PPP2R2B: variants seen among roughly 807,000 people sequenced by gnomAD.
PPP2R2B encodes serine/threonine-protein phosphatase 2A 55 kDa regulatory subunit B beta isoform.
A neutral mutation model predicts 46.0 loss-of-function variants in PPP2R2B; 5 were observed. That is an observed-to-expected ratio of 0.11 (90% CI 0.06 to 0.23). The LOEUF is 0.23. PPP2R2B is among the 10% of genes least tolerant of loss of function. The pLI is 1.00. For missense variants in PPP2R2B, 367 were observed against 575.0 expected (o/e 0.64, Z 3.70); for synonymous variants, 215 against 206.7 (o/e 1.04, Z -0.34).
At chr5:147,005,406 T>G (rs1193010726) in intron 1 of PPP2R2B, among the ~76,000 whole-genome samples, 1 of 152,194 alleles carries the variant, frequency 6.6e-6, no homozygotes, top group African/African-American at 2.4e-5. Context: ...GGAAAAAGAA[T>G]AAATGTGTAT....
intron 7 of PPP2R2B, among the ~76,000 whole-genome samples, chr5:146,606,708 T>G (rs1772309651): frequency 6.6e-6 from 1 of 152,158 alleles, no homozygotes; most frequent in Non-Finnish European, 1.5e-5. Context: ...GGTACTGATT[T>G]CTGGGTTTTC....
At position 146,587,549 on chromosome 5, in the gene PPP2R2B, C is replaced by T. The variant is rs1770226380; in HGVS notation, c.*2398G>A. 1 of 152,144 alleles carries T rather than the reference C, an allele frequency of 6.6e-6. No homozygotes were observed. The highest frequency in any genetic ancestry group is 1.5e-5 in the Non-Finnish European group (1 of 68,036). The allele number at this position is 152,144 out of a possible 1,614,324, so 9.4% of individuals were successfully genotyped here. A position where few individuals can be genotyped will look rare whatever the true frequency, so the allele number is the denominator to read the frequency against. On this transcript the variant is annotated 3_prime_UTR_variant, in exon 10 of 10. Transcript: ENST00000394411. ...TCCTTAAACCATGACAAAAATTATT[C>T]CTGTGTGTGTTATGGGCAGCCCTGC... is the stretch of plus-strand genomic sequence containing the variant.
chr5:146,717,905 A>G (rs1338835249), intron 2 of PPP2R2B, among the ~76,000 whole-genome samples: 1 of 152,162 alleles, frequency 6.6e-6, no homozygotes, highest in Non-Finnish European at 1.5e-5. Context: ...CAGCTTGAAC[A>G]ACAGCACTTC....
At chr5:147,050,717 C>T (rs764854017) in intron 1 of PPP2R2B, among the ~76,000 whole-genome samples, 14 of 152,062 alleles carry the variant, frequency 9.2e-5, no homozygotes, top group Non-Finnish European at 1.8e-4. Flanking sequence ...GATATACACA[C>T]GGTGAAATTG....
Position 146,589,832 on chromosome 5 carries a change from A to T in PPP2R2B, c.*115T>A. ...GACTCCTTTTAATTCTATTCCAATC[A>T]TTTCCTGTATAGGGAAATTAAAGTC... On this transcript the variant is annotated 3_prime_UTR_variant, in exon 10 of 10. Transcript: ENST00000394411. 9.0e-7 allele frequency: 1 copy of T among 1,108,560 alleles called. No individual in the cohort carries two copies. The highest frequency in any genetic ancestry group is 1.3e-6 in the Non-Finnish European group (1 of 770,958). 68.7% of individuals were successfully genotyped at this position (1,108,560 alleles called of 1,614,324 possible). A position where few individuals can be genotyped will look rare whatever the true frequency, so the allele number is the denominator to read the frequency against.
intron 2 of PPP2R2B, among the ~76,000 whole-genome samples, chr5:146,743,615 A>G (rs1002407977): frequency 6.6e-6 from 1 of 152,174 alleles, no homozygotes; most frequent in African/African-American, 2.4e-5. Context: ...CTAAGGCTCT[A>G]TATGCTTTAA....
At chr5:146,759,825 T>C (rs921427322) in intron 2 of PPP2R2B, among the ~76,000 whole-genome samples, 3 of 152,054 alleles carry the variant, frequency 2.0e-5, no homozygotes, top group African/African-American at 4.8e-5. Context: ...TTATTTTGAA[T>C]CTATATTAAT....
At chr5:146,926,487 G>A (rs319140) in intron 1 of PPP2R2B, among the ~76,000 whole-genome samples, 72,366 of 151,810 alleles carry the variant, frequency 0.48, 19,180 homozygotes, top group East Asian at 0.73. Flanking sequence ...CGCCTCTCGG[G>A]TTTATGCCAT....
At chr5:147,026,887 T>A (rs1755550283) in intron 1 of PPP2R2B, among the ~76,000 whole-genome samples, 1 of 152,186 alleles carries the variant, frequency 6.6e-6, no homozygotes, top group African/African-American at 2.4e-5. Flanking sequence ...AAATTTCTTA[T>A]AATACTAAAT....
intron 1 of PPP2R2B, among the ~76,000 whole-genome samples, chr5:146,986,176 C>A (rs1045790739): frequency 6.6e-6 from 1 of 152,154 alleles, no homozygotes; most frequent in Non-Finnish European, 1.5e-5. Context: ...CAAACTTGGG[C>A]AGTACAGCAC....
At chr5:146,757,919 T>C (rs938461334) in intron 2 of PPP2R2B, among the ~76,000 whole-genome samples, 1 of 152,292 alleles carries the variant, frequency 6.6e-6, no homozygotes, top group East Asian at 1.9e-4. Context: ...AACTCTTCCA[T>C]GCACCTTGAA....
chr5:146,896,237 G>A (rs1299463495), intron 1 of PPP2R2B, among the ~76,000 whole-genome samples: 8 of 152,130 alleles, frequency 5.3e-5, no homozygotes, highest in Non-Finnish European at 1.0e-4. Context: ...TTTGATAGGT[G>A]CTTACCAAGT....
chr5:146,815,307 C>T (rs577911656), intron 2 of PPP2R2B, among the ~76,000 whole-genome samples: 4 of 152,184 alleles, frequency 2.6e-5, no homozygotes, highest in South Asian at 2.1e-4. Flanking sequence ...TTACAAAACC[C>T]GGATTTCCTC....
chr5:146,768,031 T>C (rs1489621396), intron 2 of PPP2R2B, among the ~76,000 whole-genome samples: 4 of 152,226 alleles, frequency 2.6e-5, no homozygotes, highest in Admixed American at 1.3e-4. Flanking sequence ...ACAATAAGCA[T>C]TGTCATTTGA....
chr5:146,739,363 C>T (rs149212712), intron 2 of PPP2R2B, among the ~76,000 whole-genome samples: 1 of 152,180 alleles, frequency 6.6e-6, no homozygotes, highest in Non-Finnish European at 1.5e-5. Flanking sequence ...GGGGAAGCAT[C>T]GTGGAGAAAG....
chr5:146,886,769 A>G (rs980847766), intron 1 of PPP2R2B, among the ~76,000 whole-genome samples: 2 of 152,136 alleles, frequency 1.3e-5, no homozygotes, highest in African/African-American at 4.8e-5. Context: ...TTTCGTTAAA[A>G]TATTTTAGAA....
chr5:146,636,706 G>T (rs1267059048), intron 7 of PPP2R2B, among the ~76,000 whole-genome samples: 1 of 152,186 alleles, frequency 6.6e-6, no homozygotes, highest in Non-Finnish European at 1.5e-5. Flanking sequence ...CTCACTGAAT[G>T]CATGAATACA....
At chr5:146,969,379 T>A (rs186757705) in intron 1 of PPP2R2B, among the ~76,000 whole-genome samples, 1 of 152,228 alleles carries the variant, frequency 6.6e-6, no homozygotes, top group East Asian at 1.9e-4. Context: ...GTGCTGAAGG[T>A]AAGGTGGTCA....
chr5:146,603,123 T>C lies in PPP2R2B; in HGVS notation c.791-2663A>G, dbSNP rs543515975. Among the ~76,000 whole-genome samples, 3 of 152,304 alleles carry C rather than the reference T, an allele frequency of 2.0e-5. No homozygotes were observed. In the South Asian group the frequency reaches 6.2e-4, roughly 32 times the overall value. On this transcript the variant is annotated intron_variant, in intron 7 of 9. Transcript: ENST00000394411. ...CCCAGCTGCAAAAAGAGGAGCCACA[T>C]TGCTTGGCATATAAGCTTGGTACGC... is the stretch of plus-strand genomic sequence containing the variant.
Sources: gnomAD v4.1 joint callset for allele counts (sites outside exome capture counted in the v4.1 genomes callset) on GRCh38, gnomAD v4.1.1 for gene constraint, MANE v1.5 for transcripts, NCBI Gene and HGNC (gene_info 2026-07-23, HGNC 2026-07-21) for gene names.